DOCK7: variants seen among roughly 807,000 people sequenced by gnomAD.
The protein encoded by DOCK7 is dedicator of cytokinesis protein 7.
In DOCK7, 138 loss-of-function variants were observed where a neutral mutation model predicts 271.0. That is an observed-to-expected ratio of 0.51 (90% CI 0.44 to 0.59). DOCK7 has a LOEUF of 0.59. Ranked by LOEUF, DOCK7 falls within the 20% of genes least tolerant of loss-of-function variation. The probability of loss-of-function intolerance (pLI) is 0.00; values close to 1 mark genes in which losing one functional copy is unlikely to be tolerated. For missense variants in DOCK7, 2,066 were observed against 2,592.4 expected (o/e 0.80, Z 4.41); for synonymous variants, 823 against 876.1 (o/e 0.94, Z 1.07).
chr1:62,550,754 CTT>C (rs1645867970), intron 22 of DOCK7, among the ~76,000 whole-genome samples: 3 of 148,568 alleles, frequency 2.0e-5, no homozygotes, highest in South Asian at 2.1e-4. Flanking sequence ...GAGTTTCACT[CTT>C]GTCTCACAGG....
At chr1:62,524,931 CTA>C (rs147371901) in intron 31 of DOCK7, among the ~76,000 whole-genome samples, 1,651 of 103,426 alleles carry the variant, frequency 0.016, 151 homozygotes, top group African/African-American at 0.018. Context: ...ACCAACCAAA[CTA>C]TATATATATA....
intron 1 of DOCK7, among the ~76,000 whole-genome samples, chr1:62,669,974 G>A (rs1326389862): frequency 3.3e-5 from 5 of 152,182 alleles, no homozygotes; most frequent in Admixed American, 1.3e-4. Flanking sequence ...GGTGGGCCCC[G>A]CACTCGGAGC....
intron 10 of DOCK7, among the ~76,000 whole-genome samples, chr1:62,632,758 C>T (rs1277298974): frequency 6.6e-6 from 1 of 152,126 alleles, no homozygotes; most frequent in Non-Finnish European, 1.5e-5. Flanking sequence ...AGGTGGATCA[C>T]TTGAGTTCAG....
intron 4 of DOCK7, among the ~76,000 whole-genome samples, chr1:62,652,162 A>G (rs1195638952): frequency 6.6e-6 from 1 of 152,166 alleles, no homozygotes; most frequent in East Asian, 1.9e-4. Flanking sequence ...TACATATCCA[A>G]TATTTACCAA....
chr1:62,582,186 A>G (rs956433786), intron 16 of DOCK7, among the ~76,000 whole-genome samples: 4 of 152,228 alleles, frequency 2.6e-5, no homozygotes, highest in African/African-American at 9.6e-5. Context: ...TAAAGCACAT[A>G]GAAAAGAAGC....
chr1:62,523,446 A>G (rs1644909981), intron 31 of DOCK7, among the ~76,000 whole-genome samples: 1 of 152,222 alleles, frequency 6.6e-6, no homozygotes, highest in African/African-American at 2.4e-5. Flanking sequence ...TTTAAAATTA[A>G]ATGTAAAAGG....
chr1:62,602,871 T>G (rs191931953), intron 14 of DOCK7, among the ~76,000 whole-genome samples: 1 of 151,742 alleles, frequency 6.6e-6, no homozygotes, highest in East Asian at 1.9e-4. Flanking sequence ...TGGCTTATAA[T>G]GAATTAGTTA....
rs1394570791 is a variant in DOCK7, at chr1:62,639,946, G to A, written c.819-3343C>T. 3.4e-5 allele frequency among the ~76,000 whole-genome samples: 5 copies of A among 147,928 alleles called. No individual in the cohort carries two copies. The East Asian group carries it at 9.9e-4, about 29-fold the overall frequency. ...TCCTCATGGATTCAGTACACAATTTGAGCAACTGCAAAAAAAATGAATGCC... is the reference window on the plus strand; with the variant it reads ...TCCTCATGGATTCAGTACACAATTTAAGCAACTGCAAAAAAAATGAATGCC... On this transcript the variant is annotated intron_variant, in intron 7 of 49. Coordinates refer to ENST00000635253, the MANE Select transcript of DOCK7 (RefSeq NM_001367561.1).
In DOCK7 at chr1:62,504,770, A is replaced by T. The variant is rs761196561; in HGVS notation, c.4624T>A (p.Leu1542Ile). 6.2e-7 allele frequency: 1 copy of T among 1,611,406 alleles called. No individual in the cohort carries two copies. The highest frequency in any genetic ancestry group is 1.7e-5 in the Admixed American group (1 of 59,232). ...RALVSKFPEL[L>I]FEEETEQCAD... is the part of the protein sequence containing the mutation. The stretch of plus-strand genomic sequence containing the variant: ...CACTGCTCTGTCTCTTCTTCAAATA[A>T]GAGTTCAGGAAACTGTAAAACAACA... The change falls in exon 37 of 50, where the codon TTA (leucine) becomes ATA (isoleucine). Residue 1542 changes from leucine (L) to isoleucine (I), a missense_variant. Physicochemically the swap from Leu to Ile is conservative, Grantham distance 5 (BLOSUM62 2). Coordinates refer to ENST00000635253, the MANE Select transcript of DOCK7 (RefSeq NM_001367561.1).
chr1:62,602,816 T>C (rs751095227), intron 14 of DOCK7, among the ~76,000 whole-genome samples: 7 of 151,584 alleles, frequency 4.6e-5, no homozygotes, highest in Non-Finnish European at 1.0e-4. Context: ...ACATACAGTA[T>C]ACATTTTAAA....
intron 40 of DOCK7, 99 bp downstream of exon 40, chr1:62,494,176 A>G (rs901665090): frequency 1.8e-6 from 2 of 1,142,370 alleles, no homozygotes; most frequent in South Asian, 4.0e-5. Flanking sequence ...TAAGTCTTTA[A>G]GCTTTCCTTA....
intron 18 of DOCK7, among the ~76,000 whole-genome samples, chr1:62,575,646 G>A (rs563152941): frequency 2.0e-5 from 3 of 152,250 alleles, no homozygotes; most frequent in Non-Finnish European, 4.4e-5. Flanking sequence ...TAGGGAGGAG[G>A]GATGTCACCC....
intron 29 of DOCK7, among the ~76,000 whole-genome samples, chr1:62,533,826 T>C (rs1445629255): frequency 6.6e-6 from 1 of 152,170 alleles, no homozygotes; most frequent in African/African-American, 2.4e-5. Context: ...AGCAGAACCT[T>C]GTAAAAACCT....
At chr1:62,593,548 C>T (rs1648771683) in intron 14 of DOCK7, among the ~76,000 whole-genome samples, 2 of 151,950 alleles carry the variant, frequency 1.3e-5, no homozygotes, top group Non-Finnish European at 2.9e-5. Flanking sequence ...CCAGCCTGGG[C>T]AACAAAGAGC....
At position 62,454,887 on chromosome 1, in the gene DOCK7, C is replaced by A. The variant is rs1006242974; in HGVS notation, c.*527G>T. Reference sequence around the variant, plus strand: ...AAATAACTTTGAAACAGTTACCAAACTCATTAATTTGGGGCTATCTATGAT... The same window carrying A: ...AAATAACTTTGAAACAGTTACCAAAATCATTAATTTGGGGCTATCTATGAT... On this transcript the variant is annotated 3_prime_UTR_variant, in exon 50 of 50. Coordinates refer to ENST00000635253, the MANE Select transcript of DOCK7 (RefSeq NM_001367561.1). 5.7e-5 allele frequency: 15 copies of A among 260,874 alleles called. No homozygotes were observed. The highest frequency in any genetic ancestry group is 9.9e-5 in the Non-Finnish European group (14 of 140,854). 16.2% of individuals were successfully genotyped at this position (260,874 alleles called of 1,614,324 possible). A position where few individuals can be genotyped will look rare whatever the true frequency, so the allele number is the denominator to read the frequency against.
At chr1:62,474,511 G>A (rs1227213797) in intron 47 of DOCK7, among the ~76,000 whole-genome samples, 1 of 152,190 alleles carries the variant, frequency 6.6e-6, no homozygotes. Context: ...TGTTAAAGAA[G>A]ATAATCTTTT....
At chr1:62,499,240 TAAAC>T (rs1391396087) in intron 37 of DOCK7, among the ~76,000 whole-genome samples, 1 of 152,204 alleles carries the variant, frequency 6.6e-6, no homozygotes, top group Non-Finnish European at 1.5e-5. Flanking sequence ...CTTTATTTCA[TAAAC>T]AAAGTAAGAT....
chr1:62,535,711 A>G, intron 28 of DOCK7, 79 bp from the exon 29 acceptor site: 5 of 1,386,480 alleles, frequency 3.6e-6, no homozygotes, highest in Non-Finnish European at 3.9e-6. Context: ...ATAAGAAATG[A>G]AATACTTTTT....
At chr1:62,487,808 C>A (rs763385183) in intron 42 of DOCK7, 26 of 174,570 alleles carry the variant, frequency 1.5e-4, no homozygotes, top group Non-Finnish European at 3.0e-4. Context: ...AAACGACTAG[C>A]TCTAAATGTT....
Sources: gnomAD v4.1 joint callset for allele counts (sites outside exome capture counted in the v4.1 genomes callset) on GRCh38, gnomAD v4.1.1 for gene constraint, MANE v1.5 for transcripts, NCBI Gene and HGNC (gene_info 2026-07-23, HGNC 2026-07-21) for gene names.